ELSPBP1: variants seen among roughly 807,000 people sequenced by gnomAD.
The protein encoded by ELSPBP1 is epididymal sperm binding protein 1.
Under a neutral mutation model 33.3 loss-of-function variants are expected in ELSPBP1, and 38 were observed. The observed-to-expected ratio is 1.14, with a 90% CI of 0.88 to 1.50. The LOEUF (loss-of-function observed/expected upper bound fraction) is 1.50. Ranked by LOEUF, ELSPBP1 falls within the 40% of genes most tolerant of loss-of-function variation. The pLI is 0.00. For synonymous variants in ELSPBP1, 85 were observed against 94.1 expected, an observed-to-expected ratio of 0.90 and a Z score of 0.56; for missense variants, 267 against 263.5, an observed-to-expected ratio of 1.01 and a Z score of -0.09.
At chr19:48,006,389 G>A (rs1967017539) in intron 1 of ELSPBP1, among the ~76,000 whole-genome samples, 1 of 151,986 alleles carries the variant, frequency 6.6e-6, no homozygotes, top group Non-Finnish European at 1.5e-5. Flanking sequence ...CGAGGCGGGT[G>A]GATCATTTGA....
chr19:48,014,426 G>A (rs969952662), intron 3 of ELSPBP1, 118 bp downstream of exon 3: 58 of 1,120,038 alleles, frequency 5.2e-5, no homozygotes, highest in Admixed American at 1.3e-4. Flanking sequence ...ATACGTATGC[G>A]TGCGTAGAAA....
Position 48,000,781 on chromosome 19 carries a change from C to T in ELSPBP1, c.-18+5970C>T, listed in dbSNP as rs536021791. On this transcript the variant is annotated intron_variant, in intron 1 of 6. Coordinates refer to ENST00000339841, the MANE Select transcript of ELSPBP1 (RefSeq NM_022142.5). ...AAGGTTAGACACCTTTGCTCCGTAC[C>T]TGTTCCAGGATGGCTGATTCAAATG... is the stretch of plus-strand genomic sequence containing the variant. Among the ~76,000 whole-genome samples the T allele has an allele frequency of 3.0e-4, 45 of 152,280 alleles. No individual in the cohort carries two copies. The South Asian group carries it at 7.1e-3, about 24-fold the overall frequency.
chr19:48,019,527 G>C (rs922911864), intron 4 of ELSPBP1, among the ~76,000 whole-genome samples, 192 bp from the exon 5 acceptor site: 1 of 152,180 alleles, frequency 6.6e-6, no homozygotes, highest in African/African-American at 2.4e-5. Context: ...ACAGTAAGCT[G>C]TGCACGAGTT....
At chr19:48,021,804 T>G (rs1967203162) in intron 5 of ELSPBP1, among the ~76,000 whole-genome samples, 1 of 152,054 alleles carries the variant, frequency 6.6e-6, no homozygotes, top group South Asian at 2.1e-4. Context: ...TACAGTGCAG[T>G]GGTGCAATCA....
At chr19:47,998,378 T>A (rs1199089283) in intron 1 of ELSPBP1, among the ~76,000 whole-genome samples, 1 of 151,502 alleles carries the variant, frequency 6.6e-6, no homozygotes, top group Admixed American at 6.6e-5. Flanking sequence ...GCCACTACAC[T>A]CTAGCCTGAG....
rs1374710596 is a variant in ELSPBP1 at position 48,015,877 on chromosome 19, A to G, written c.209-16A>G. 6 of 1,594,558 alleles carry G rather than the reference A, an allele frequency of 3.8e-6. No individual in the cohort carries two copies. Among genetic ancestry groups the G allele is most frequent in the Non-Finnish European group, 5.2e-6 (6 of 1,164,356 alleles). Reference sequence around the variant, plus strand: ...CTAGAGGAAGTTAAGACACTCACGAACTCTGTTCCTAACAGATTACCCACG... The same window carrying G: ...CTAGAGGAAGTTAAGACACTCACGAGCTCTGTTCCTAACAGATTACCCACG... On this transcript the variant is annotated splice_polypyrimidine_tract_variant and intron_variant, in intron 3 of 6. Transcript: ENST00000339841.
intron 4 of ELSPBP1, among the ~76,000 whole-genome samples, chr19:48,016,553 TTCCTTCCTTCCTTCCTCCCTTCA>T (rs1967143605): frequency 8.5e-6 from 1 of 117,088 alleles, no homozygotes; most frequent in African/African-American, 3.0e-5. Context: ...CCTTCCTTCC[TTCCTTCCTTCCTTCCTCCCTTCA>T]TCTCTCTCTT....
rs541922409 is a variant in ELSPBP1, at chr19:48,014,129, C to T, written c.71-42C>T. The T allele has an allele frequency of 7.0e-5, 112 of 1,600,022 alleles. 1 individual carries two copies. The South Asian group carries it at 1.0e-3, about 15-fold the overall frequency. On this transcript the variant is annotated intron_variant, in intron 2 of 6. Coordinates refer to ENST00000339841, the MANE Select transcript of ELSPBP1 (RefSeq NM_022142.5). ...CAAGACTCATCCTTTGCTAATTCATCGTGATTCTTCCCCACTCCTGTTTTC... is the reference window on the plus strand; with the variant it reads ...CAAGACTCATCCTTTGCTAATTCATTGTGATTCTTCCCCACTCCTGTTTTC...
At chr19:48,023,491 GGAGGGAAGGAAAAGAGGAAGGAA>G (rs1967231981) in intron 6 of ELSPBP1, among the ~76,000 whole-genome samples, 1 of 27,500 alleles carries the variant, frequency 3.6e-5, no homozygotes, top group Non-Finnish European at 1.4e-4. Flanking sequence ...GGGAAGGGAG[GGAGGGAAGGAAAAGAGGAAGGAA>G]ATAAGGAAGG....
Position 48,001,431 on chromosome 19 carries a change from C to G in ELSPBP1, c.-18+6620C>G, listed in dbSNP as rs138532253. On this transcript the variant is annotated intron_variant, in intron 1 of 6. Coordinates refer to ENST00000339841, the MANE Select transcript of ELSPBP1 (RefSeq NM_022142.5). ...CTCCTGACCTCATGATCCTTGTGATCCACCCGCCTCGGCATCCCACCACCT... is the reference window on the plus strand; with the variant it reads ...CTCCTGACCTCATGATCCTTGTGATGCACCCGCCTCGGCATCCCACCACCT... Among the ~76,000 whole-genome samples the G allele has an allele frequency of 3.7e-3, 560 of 151,700 alleles. 9 individuals are homozygous for G. The highest frequency in any genetic ancestry group is 9.3e-4 in the Non-Finnish European group (63 of 67,940).
In ELSPBP1 at chr19:48,011,307, G is replaced by C. The variant is rs1359129845; in HGVS notation, c.70+2570G>C. ...ATCACCATGATAATGACAATAATGA[G>C]GTTGATAATGATGGTGACAATGACT... On this transcript the variant is annotated intron_variant, in intron 2 of 6. Transcript: ENST00000339841. The surrounding 1 kb of genome is among the most constrained non-coding windows in gnomAD (Gnocchi z 4.5). Among the ~76,000 whole-genome samples, 2 of 151,118 alleles carry C rather than the reference G, an allele frequency of 1.3e-5. No individual in the cohort carries two copies. Among genetic ancestry groups the C allele is most frequent in the Admixed American group, 6.6e-5 (1 of 15,166 alleles).
At chr19:48,001,709 C>T (rs554450320) in intron 1 of ELSPBP1, among the ~76,000 whole-genome samples, 1 of 151,092 alleles carries the variant, frequency 6.6e-6, no homozygotes, top group East Asian at 1.9e-4. Context: ...TGCTAGTTTT[C>T]TTTCTTTTTT....
At chr19:48,001,852 GT>G (rs938456798) in intron 1 of ELSPBP1, among the ~76,000 whole-genome samples, 2 of 150,848 alleles carry the variant, frequency 1.3e-5, no homozygotes, top group African/African-American at 2.4e-5. Context: ...CATGCTGGCT[GT>G]TTTTTTTTAA....
rs921312505 is a variant in ELSPBP1, at chr19:48,024,943, A to C, written c.*8-9A>C. 1 of 152,084 alleles carries C rather than the reference A, an allele frequency of 6.6e-6. No individual in the cohort carries two copies. Among genetic ancestry groups the C allele is most frequent in the African/African-American group, 2.4e-5 (1 of 41,412 alleles). The allele number at this position is 152,084 out of a possible 1,614,324, so 9.4% of individuals were successfully genotyped here. A position where few individuals can be genotyped will look rare whatever the true frequency, so the allele number is the denominator to read the frequency against. ...TCATTAAACTCAGATCTTTGCTTCT[A>C]TTTTCAAGGAAAGGAGAAATATCTT... is the stretch of plus-strand genomic sequence containing the variant. On this transcript the variant is annotated splice_polypyrimidine_tract_variant and intron_variant, in intron 6 of 6. Transcript: ENST00000339841.
chr19:48,004,756 C>T lies in ELSPBP1; in HGVS notation c.-17-3895C>T, dbSNP rs762331793. ...TGTTTCTGGTTTCTTCGCTTCATAT[C>T]TGTCTCCTTGGTTGACTCTCAGCCC... On this transcript the variant is annotated intron_variant, in intron 1 of 6. Coordinates refer to ENST00000339841, the MANE Select transcript of ELSPBP1 (RefSeq NM_022142.5). Among the ~76,000 whole-genome samples the T allele has an allele frequency of 9.9e-5, 15 of 152,250 alleles. 1 individual carries two copies. The highest frequency in any genetic ancestry group is 5.9e-4 in the Admixed American group (9 of 15,282).
intron 4 of ELSPBP1, among the ~76,000 whole-genome samples, chr19:48,019,196 A>T (rs1159318801): frequency 3.9e-5 from 6 of 152,194 alleles, no homozygotes; most frequent in Middle Eastern, 6.8e-3. Flanking sequence ...GGGAAAACTC[A>T]GCATATTGAT....
At chr19:48,019,406 G>A (rs1006436207) in intron 4 of ELSPBP1, among the ~76,000 whole-genome samples, 3 of 152,102 alleles carry the variant, frequency 2.0e-5, no homozygotes, top group Non-Finnish European at 4.4e-5. Flanking sequence ...GGAGGCTTCT[G>A]GAATGAATAA....
chr19:48,023,567 GGGAAGGAAGGGAGGGAGGAA>G (rs1225080811), intron 6 of ELSPBP1, among the ~76,000 whole-genome samples: 1 of 97,526 alleles, frequency 1.0e-5, no homozygotes, highest in African/African-American at 3.5e-5. Context: ...GGGAAAGGAA[GGGAAGGAAGGGAGGGAGGAA>G]GGAAGGAAGG....
chr19:48,005,673 T>C (rs1967010631), intron 1 of ELSPBP1, among the ~76,000 whole-genome samples: 1 of 152,132 alleles, frequency 6.6e-6, no homozygotes, highest in Admixed American at 6.5e-5. Flanking sequence ...CTATTTTGGA[T>C]GATATTTATG....
Sources: gnomAD v4.1 joint callset for allele counts (sites outside exome capture counted in the v4.1 genomes callset) on GRCh38, gnomAD v4.1.1 for gene constraint, Gnocchi (gnomAD v3.1) non-coding constraint, MANE v1.5 for transcripts, NCBI Gene and HGNC (gene_info 2026-07-23, HGNC 2026-07-21) for gene names.